Variants in FAM20B observed in about 807,000 individuals in gnomAD.
FAM20B encodes the protein FAM20B glycosaminoglycan xylosylkinase.
In FAM20B, 23 loss-of-function variants were observed where a neutral mutation model predicts 43.8. The observed-to-expected ratio is 0.53, with a 90% CI of 0.38 to 0.74. The LOEUF (loss-of-function observed/expected upper bound fraction) is 0.74. FAM20B is among the 30% of genes least tolerant of loss of function. FAM20B has a pLI of 0.00. For missense variants in FAM20B, 440 were observed against 510.5 expected, an observed-to-expected ratio of 0.86 and a Z score of 1.33; for synonymous variants, 178 against 192.4, an observed-to-expected ratio of 0.93 and a Z score of 0.62.
At chr1:179,070,141 G>C (rs920814708) in intron 7 of FAM20B, among the ~76,000 whole-genome samples, 5 of 152,096 alleles carry the variant, frequency 3.3e-5, no homozygotes, top group African/African-American at 1.2e-4. Flanking sequence ...CGCCTCCCAG[G>C]TTCAAGTGAT....
intron 1 of FAM20B, 118 bp downstream of exon 1, chr1:179,026,216 G>C (rs1015531970): frequency 6.6e-6 from 1 of 150,588 alleles, no homozygotes; most frequent in Non-Finnish European, 1.5e-5. Context: ...GGCTGGGGCC[G>C]CCTGGGGGCG....
chr1:179,057,858 A>G (rs1379462104), intron 4 of FAM20B, among the ~76,000 whole-genome samples: 1 of 152,132 alleles, frequency 6.6e-6, no homozygotes, highest in Non-Finnish European at 1.5e-5. Context: ...GAGGTGGCCA[A>G]GAAGTTATGG....
At position 179,056,552 on chromosome 1, in the gene FAM20B, C is replaced by T. The variant is rs1029439183; in HGVS notation, c.574+1914C>T. Among the ~76,000 whole-genome samples, 52 of 152,206 alleles carry T rather than the reference C, an allele frequency of 3.4e-4. 1 individual carries two copies. Among genetic ancestry groups the T allele is most frequent in the African/African-American group, 1.3e-3 (52 of 41,452 alleles). ...TATCCATTTACCTATTGAATGGCAT[C>T]TTGGTTGCTTCCATGTTTGGGCAGT... On this transcript the variant is annotated intron_variant, in intron 4 of 7. Transcript: ENST00000263733.
Position 179,064,034 on chromosome 1 carries a change from G to T in FAM20B, c.682G>T (p.Val228Leu), listed in dbSNP as rs1651585855. 7.4e-6 allele frequency: 12 copies of T among 1,614,106 alleles called. No homozygotes were observed. Among genetic ancestry groups the T allele is most frequent in the Non-Finnish European group, 9.3e-6 (11 of 1,179,958 alleles). ...EGSVTLWLPD[V>L]WPLQKHRHPW... ...ATCTGTCACACTTTGGCTTCCAGAT[G>T]TGTGGCCTCTGCAGAAGCACCGTCA... Residue 228 changes from valine to leucine, a missense_variant, in exon 5 of 8, where the codon GTG (valine) becomes TTG (leucine). Physicochemically the swap from Val to Leu is conservative, Grantham distance 32. Transcript: ENST00000263733.
intron 6 of FAM20B, 110 bp downstream of exon 6, chr1:179,064,606 C>T (rs1651615392): frequency 8.6e-6 from 7 of 814,434 alleles, no homozygotes; most frequent in East Asian, 8.1e-5. Flanking sequence ...AGGCAACATC[C>T]TTCTTTTTTC....
At chr1:179,025,780 G>C (rs1649736341), upstream of FAM20B, 1 of 151,260 alleles carries the variant, frequency 6.6e-6, no homozygotes, top group African/African-American at 2.4e-5. Flanking sequence ...GGTCCGGTAG[G>C]GGCCGCCTAC....
the FAM20B span, among the ~76,000 whole-genome samples, chr1:179,019,376 A>C: frequency 2.8e-3 from 432 of 151,834 alleles, 2 homozygotes; most frequent in Non-Finnish European, 4.6e-3. Flanking sequence ...AAATGAGTCT[A>C]AGACAACTGA....
chr1:179,060,011 T>G (rs907354818), intron 4 of FAM20B, among the ~76,000 whole-genome samples: 1 of 151,896 alleles, frequency 6.6e-6, no homozygotes, highest in Non-Finnish European at 1.5e-5. Flanking sequence ...AATGAAAAAT[T>G]TTCTCGTCTG....
In FAM20B at chr1:179,072,009, A is replaced by G. The variant is rs766740691; in HGVS notation, c.1095A>G (p.Pro365=). 1 of 1,613,998 alleles carries G rather than the reference A, an allele frequency of 6.2e-7. No homozygotes were observed. The highest frequency in any genetic ancestry group is 2.2e-5 in the East Asian group (1 of 44,902). The part of the protein sequence containing the change: ...KSAMAHDPIS[P]VLSDPHLDAV... ...CCATGGCCCATGACCCCATCTCCCCAGTGCTCTCTGATCCTCATCTGGACG... is the reference window on the plus strand; with the variant it reads ...CCATGGCCCATGACCCCATCTCCCCGGTGCTCTCTGATCCTCATCTGGACG... Residue 365 remains proline, a synonymous_variant, in exon 8 of 8, where the codon CCA becomes CCG. Transcript: ENST00000263733.
At chr1:179,071,295 CAAA>C (rs1042624248) in intron 7 of FAM20B, among the ~76,000 whole-genome samples, 9 of 148,850 alleles carry the variant, frequency 6.0e-5, no homozygotes, top group East Asian at 2.0e-4. Flanking sequence ...GACTCTGTCT[CAAA>C]AAAAAAATAA....
upstream of FAM20B, among the ~76,000 whole-genome samples, chr1:179,024,375 G>C (rs1050359090): frequency 2.6e-5 from 4 of 152,170 alleles, no homozygotes; most frequent in African/African-American, 4.8e-5. Context: ...AGGCAAGAAA[G>C]GAGAATCCTT....
At chr1:179,025,357 G>A (rs1197232030), upstream of FAM20B, among the ~76,000 whole-genome samples, 7 of 152,340 alleles carry the variant, frequency 4.6e-5, 1 homozygote, top group South Asian at 1.0e-3. Flanking sequence ...TGGTCCGAAT[G>A]AAGAGCCATT....
At chr1:179,031,860 A>AT (rs775723057) in intron 1 of FAM20B, among the ~76,000 whole-genome samples, 7 of 152,224 alleles carry the variant, frequency 4.6e-5, no homozygotes, top group East Asian at 1.9e-4. Flanking sequence ...AAGGCATTCT[A>AT]TTTTAGCCTT....
At chr1:179,051,582 A>C (rs1437832316) in intron 3 of FAM20B, among the ~76,000 whole-genome samples, 1 of 151,948 alleles carries the variant, frequency 6.6e-6, no homozygotes, top group African/African-American at 2.4e-5. Context: ...AGCTGTGATC[A>C]CACCACTGCA....
chr1:179,035,488 C>T (rs1650187931), intron 1 of FAM20B: 1 of 690,942 alleles, frequency 1.4e-6, no homozygotes, highest in East Asian at 2.8e-5. Context: ...GAAGACGCTG[C>T]TTCAGAAATG....
chr1:179,057,591 T>C (rs1395179179), intron 4 of FAM20B, among the ~76,000 whole-genome samples: 1 of 152,240 alleles, frequency 6.6e-6, no homozygotes, highest in Non-Finnish European at 1.5e-5. Context: ...AAGTGTCTAA[T>C]GACTTTCCCA....
intron 3 of FAM20B, among the ~76,000 whole-genome samples, chr1:179,050,583 C>T (rs1020535986): frequency 6.6e-6 from 1 of 152,164 alleles, no homozygotes; most frequent in Non-Finnish European, 1.5e-5. Context: ...TTCTTTAGGT[C>T]ATTTCATTTC....
rs975112888 is a variant in FAM20B at position 179,054,624 on chromosome 1, C to G, written c.560C>G (p.Thr187Ser). The stretch of plus-strand genomic sequence containing the variant: ...GTCGCCACAGAGCAGCTGTTGAGCA[C>G]CTTCCTAACTGTAGGTAAGAAGATT... Reference protein sequence around the residue: ...KPVATEQLLSTFLTVGNNTCF... With the variant: ...KPVATEQLLSSFLTVGNNTCF... The change falls in exon 4 of 8, where the codon ACC becomes AGC. Residue 187 changes from threonine (T) to serine (S), a missense_variant. Transcript: ENST00000263733. 1.9e-6 allele frequency: 3 copies of G among 1,604,226 alleles called. No individual in the cohort carries two copies. The highest frequency in any genetic ancestry group is 2.7e-5 in the African/African-American group (2 of 74,598).
intron 1 of FAM20B, among the ~76,000 whole-genome samples, chr1:179,034,272 CTTAAGA>C (rs1650128243): frequency 6.6e-6 from 1 of 152,242 alleles, no homozygotes; most frequent in Non-Finnish European, 1.5e-5. Flanking sequence ...TGCCAGGTCT[CTTAAGA>C]CCAGGGCCCA....
Sources: allele counts gnomAD v4.1 joint callset (sites outside exome capture counted in the v4.1 genomes callset), GRCh38; gene constraint gnomAD v4.1.1; transcripts MANE v1.5; gene names NCBI Gene and HGNC (gene_info 2026-07-23, HGNC 2026-07-21).